CDH19: variants seen among roughly 807,000 people sequenced by gnomAD.
The protein encoded by CDH19 is cadherin-19.
Under a neutral mutation model 64.2 loss-of-function variants are expected in CDH19, and 67 were observed. The observed-to-expected ratio is 1.04, with a 90% confidence interval of 0.86 to 1.28. CDH19 has a LOEUF of 1.28. Ranked by LOEUF, CDH19 falls within the 50% of genes most tolerant of loss-of-function variation. CDH19 has a pLI of 0.00. For missense variants in CDH19, 1,030 were observed against 929.0 expected, an observed-to-expected ratio of 1.11 and a Z score of -1.41; for synonymous variants, 346 against 319.3, an observed-to-expected ratio of 1.08 and a Z score of -0.89.
At chr18:66,580,137 T>C (rs1380810239) in intron 1 of CDH19, among the ~76,000 whole-genome samples, 1 of 151,974 alleles carries the variant, frequency 6.6e-6, no homozygotes, top group Non-Finnish European at 1.5e-5. Context: ...GTTAAACAAA[T>C]ACAAGTAATT....
At position 66,544,109 on chromosome 18, in the gene CDH19, A is replaced by T; in HGVS notation, c.1076T>A (p.Ile359Asn). 6.2e-7 allele frequency: 1 copy of T among 1,614,032 alleles called. No individual in the cohort carries two copies. Among genetic ancestry groups the T allele is most frequent in the Middle Eastern group, 1.6e-4 (1 of 6,062 alleles). The change falls in exon 7 of 12, where the codon ATC becomes AAC. Residue 359 changes from isoleucine to asparagine, a missense_variant. Ile to Asn is a moderately radical substitution (Grantham distance 149). Coordinates refer to ENST00000262150, the MANE Select transcript of CDH19 (RefSeq NM_021153.4). ...HTEASTTFIKIQVEDVDEPPL... is the reference protein window; with the variant it reads ...HTEASTTFIKNQVEDVDEPPL... The stretch of plus-strand genomic sequence containing the variant: ...AGGCTCATCAACATCTTCCACCTGG[A>T]TCTTAATGAAAGTGGTGGAAGCCTC...
At chr18:66,555,644 T>C (rs904466484) in intron 3 of CDH19, among the ~76,000 whole-genome samples, 4 of 151,742 alleles carry the variant, frequency 2.6e-5, no homozygotes, top group Non-Finnish European at 4.4e-5. Flanking sequence ...TGCCTCTCTT[T>C]TCCAAAACTT....
At chr18:66,519,404 T>C (rs1050347010) in intron 9 of CDH19, among the ~76,000 whole-genome samples, 2 of 152,200 alleles carry the variant, frequency 1.3e-5, no homozygotes, top group African/African-American at 4.8e-5. Flanking sequence ...GTATTATTAT[T>C]TTTGAAATGA....
intron 7 of CDH19, among the ~76,000 whole-genome samples, chr18:66,543,522 T>G (rs1411792445): frequency 6.6e-6 from 1 of 152,162 alleles, no homozygotes; most frequent in Non-Finnish European, 1.5e-5. Flanking sequence ...TGAGGTTCCC[T>G]ATTTTGCTTA....
At chr18:66,564,626 C>G (rs1324159537) in intron 3 of CDH19, among the ~76,000 whole-genome samples, 1 of 151,756 alleles carries the variant, frequency 6.6e-6, no homozygotes, top group East Asian at 1.9e-4. Flanking sequence ...TTAAATTTTC[C>G]TTTTGCATTT....
rs1442493781 is a variant in CDH19, at chr18:66,501,094, A to C, written c.*3718T>G. 2.0e-5 allele frequency: 3 copies of C among 152,160 alleles called. No individual in the cohort carries two copies. The highest frequency in any genetic ancestry group is 7.2e-5 in the African/African-American group (3 of 41,466). 9.4% of individuals were successfully genotyped at this position (152,160 alleles called of 1,614,324 possible). ...TCAGTACTAACCCATTTTGAAAAAT[A>C]CTTTAATTCCATATTAATATTCTAT... On this transcript the variant is annotated 3_prime_UTR_variant, in exon 12 of 12. Coordinates refer to ENST00000262150, the MANE Select transcript of CDH19 (RefSeq NM_021153.4).
In CDH19 at chr18:66,536,812, TTTAG is replaced by T. The variant is rs1598991680; in HGVS notation, c.1215-1709_1215-1706del. 2.6e-5 allele frequency among the ~76,000 whole-genome samples: 4 copies of T among 151,906 alleles called. No individual in the cohort carries two copies. In the East Asian group the frequency reaches 7.7e-4, roughly 29 times the overall value. ...AAATTTGTTTGGCTTTGAGGTAAGT[TTTAG>T]TTAAATTTTACATATATGTAAAATA... On this transcript the variant is annotated intron_variant, in intron 7 of 11. Transcript: ENST00000262150.
intron 9 of CDH19, among the ~76,000 whole-genome samples, chr18:66,525,403 T>G (rs1361406900): frequency 6.6e-6 from 1 of 152,140 alleles, no homozygotes; most frequent in African/African-American, 2.4e-5. Flanking sequence ...CATTAATATT[T>G]CACTTCTAGG....
intron 7 of CDH19, among the ~76,000 whole-genome samples, chr18:66,542,685 C>T (rs1001920424): frequency 6.6e-6 from 1 of 152,030 alleles, no homozygotes; most frequent in Non-Finnish European, 1.5e-5. Context: ...AGGCCATGAA[C>T]CTGTCCATGG....
At chr18:66,533,969 T>C (rs943830103) in intron 8 of CDH19, among the ~76,000 whole-genome samples, 1 of 152,034 alleles carries the variant, frequency 6.6e-6, no homozygotes, top group African/African-American at 2.4e-5. Context: ...GTTACACATA[T>C]TTTCCCCAAA....
At chr18:66,579,090 A>T (rs922503687) in intron 1 of CDH19, among the ~76,000 whole-genome samples, 3 of 151,916 alleles carry the variant, frequency 2.0e-5, no homozygotes, top group East Asian at 1.9e-4. Context: ...TAGAAGTAGA[A>T]ATATGTCAAA....
chr18:66,564,045 A>C (rs1352625009), intron 3 of CDH19, among the ~76,000 whole-genome samples: 2 of 151,926 alleles, frequency 1.3e-5, no homozygotes, highest in East Asian at 3.9e-4. Flanking sequence ...ATAGAATCTA[A>C]TTCACAAATG....
At chr18:66,535,964 T>C (rs1370287903) in intron 7 of CDH19, among the ~76,000 whole-genome samples, 1 of 147,596 alleles carries the variant, frequency 6.8e-6, no homozygotes, top group Non-Finnish European at 1.5e-5. Context: ...AAAAGTAAAA[T>C]ACAGTAGTTC....
intron 7 of CDH19, among the ~76,000 whole-genome samples, chr18:66,542,681 T>C (rs1986935215): frequency 6.6e-6 from 1 of 152,024 alleles, no homozygotes; most frequent in African/African-American, 2.4e-5. Flanking sequence ...CAGCAGGCCA[T>C]GAACCTGTCC....
At chr18:66,521,611 T>C (rs1001942608) in intron 9 of CDH19, among the ~76,000 whole-genome samples, 1 of 151,870 alleles carries the variant, frequency 6.6e-6, no homozygotes, top group Non-Finnish European at 1.5e-5. Context: ...TCATAGATCA[T>C]TGCAGCTTTG....
At chr18:66,568,751 G>T in intron 2 of CDH19, 41 bp from the exon 3 acceptor site, 1 of 1,452,828 alleles carries the variant, frequency 6.9e-7, no homozygotes, top group South Asian at 1.3e-5. Flanking sequence ...CCAAACATCT[G>T]AAATGGACAA....
chr18:66,550,434 C>G (rs766448344), intron 5 of CDH19, among the ~76,000 whole-genome samples: 1 of 152,058 alleles, frequency 6.6e-6, no homozygotes, highest in Non-Finnish European at 1.5e-5. Flanking sequence ...TTCCCCTGAA[C>G]GCATAAATAT....
intron 3 of CDH19, among the ~76,000 whole-genome samples, chr18:66,558,329 A>G (rs1247695757): frequency 6.6e-6 from 1 of 151,448 alleles, no homozygotes; most frequent in Non-Finnish European, 1.5e-5. Flanking sequence ...ACAGGACCCT[A>G]ATTATCTTTG....
At chr18:66,519,237 A>G (rs2144375017) in intron 9 of CDH19, among the ~76,000 whole-genome samples, 1 of 152,206 alleles carries the variant, frequency 6.6e-6, no homozygotes, top group Non-Finnish European at 1.5e-5. Flanking sequence ...AAGACAATGA[A>G]CTCCATGTTA....
Sources: allele counts gnomAD v4.1 joint callset (sites outside exome capture counted in the v4.1 genomes callset), GRCh38; gene constraint gnomAD v4.1.1; transcripts MANE v1.5; gene names NCBI Gene and HGNC (gene_info 2026-07-23, HGNC 2026-07-21).